The following ASB8 variants were observed in gnomAD, a reference collection of about 807,000 sequenced individuals.
The protein encoded by ASB8 is ankyrin repeat and SOCS box containing 8.
In ASB8, 15 loss-of-function variants were observed where a neutral mutation model predicts 22.9. The observed-to-expected ratio is 0.66, with a 90% CI of 0.44 to 1.01. ASB8 has a LOEUF of 1.01. Ranked by LOEUF, ASB8 falls within the 50% of genes least tolerant of loss-of-function variation. ASB8 has a pLI of 0.00. For synonymous variants in ASB8, 124 were observed against 140.8 expected (o/e 0.88, Z 0.84); for missense variants, 294 against 356.9 (o/e 0.82, Z 1.42).
intron 2 of ASB8, among the ~76,000 whole-genome samples, chr12:48,152,067 G>A (rs1038379519): frequency 2.6e-5 from 4 of 151,612 alleles, no homozygotes; most frequent in East Asian, 3.9e-4. Flanking sequence ...CAGGAGAATC[G>A]CTTGAACCTG....
At chr12:48,151,364 G>C in intron 2 of ASB8, 59 bp from the exon 3 acceptor site, 2 of 1,392,130 alleles carry the variant, frequency 1.4e-6, no homozygotes, top group Non-Finnish European at 2.0e-6. Context: ...CAGCAGGACA[G>C]AATTCAGAAC....
chr12:48,155,755 A>G (rs1478756607), intron 1 of ASB8, among the ~76,000 whole-genome samples: 3 of 139,080 alleles, frequency 2.2e-5, no homozygotes, highest in Admixed American at 1.4e-4. Context: ...ATATATATAT[A>G]TATGTATATA....
In ASB8 at chr12:48,148,658, G is replaced by GTTTTTTTTTTTTTTTTTTTTTTTT; in HGVS notation, c.*684_*707dup. The GTTTTTTTTTTTTTTTTTTTTTTTT allele has an allele frequency of 3.2e-5, 2 of 62,756 alleles. 1 individual carries two copies. Among genetic ancestry groups the GTTTTTTTTTTTTTTTTTTTTTTTT allele is most frequent in the Non-Finnish European group, 5.8e-5 (2 of 34,518 alleles). The allele number at this position is 62,756 out of a possible 1,614,324, so 3.9% of individuals were successfully genotyped here. On this transcript the variant is annotated 3_prime_UTR_variant, in exon 4 of 4. Transcript: ENST00000317697. The stretch of plus-strand genomic sequence containing the variant: ...GTTTTTTCACAGATCAATTAAAATG[G>GTTTTTTTTTTTTTTTTTTTTTTTT]TTTTTTTTTTTTTTTTTTTTTTTTG...
rs140767011 is a variant in ASB8, at chr12:48,149,506, G to C, written c.727C>G (p.Leu243Val). The C allele has an allele frequency of 3.1e-6, 5 of 1,614,098 alleles. No individual in the cohort carries two copies. The highest frequency in any genetic ancestry group is 1.6e-4 in the Middle Eastern group (1 of 6,084). Residue 243 changes from leucine (L) to valine (V), a missense_variant, in exon 4 of 4, where the codon CTG becomes GTG. Coordinates refer to ENST00000317697, the MANE Select transcript of ASB8 (RefSeq NM_024095.5). ...TTTAGAGTTCCTGGAGCTGAGCACA[G>C]AACAGTCAGTTTTTCACATAGCTGC... ...DPQLCEKLTV[L>V]CSAPGTLKTL... is the part of the protein sequence containing the mutation.
At chr12:48,154,480 C>CAAAAAAAAAAA (rs11384481) in intron 1 of ASB8, among the ~76,000 whole-genome samples, 1 of 73,812 alleles carries the variant, frequency 1.4e-5, no homozygotes, top group African/African-American at 5.4e-5. Flanking sequence ...GACTCTATCT[C>CAAAAAAAAAAA]AAAAAAAAAA....
intron 2 of ASB8, chr12:48,151,575 C>T: frequency 2.7e-6 from 4 of 1,477,162 alleles, no homozygotes; most frequent in South Asian, 2.4e-5. Context: ...CTGGACATCA[C>T]TGAAGACAAT....
chr12:48,151,790 C>T, intron 2 of ASB8: 1 of 449,918 alleles, frequency 2.2e-6, no homozygotes, highest in Non-Finnish European at 4.0e-6. Context: ...TTTTTATAAA[C>T]ATCTTCAAAG....
At chr12:48,151,445 C>A in intron 2 of ASB8, 140 bp from the exon 3 acceptor site, 1 of 967,678 alleles carries the variant, frequency 1.0e-6, no homozygotes, top group Admixed American at 2.8e-5. Flanking sequence ...GTTTCCTTTT[C>A]TATTAATATT....
chr12:48,153,720 A>G (rs975030517), intron 1 of ASB8, 191 bp from the exon 2 acceptor site: 13 of 391,282 alleles, frequency 3.3e-5, no homozygotes, highest in Admixed American at 2.3e-4. Context: ...CAAATGTTCT[A>G]CTCTAACCTA....
Position 48,149,794 on chromosome 12 carries a change from G to A in ASB8, c.439C>T (p.Leu147=). 1 of 1,613,936 alleles carries A rather than the reference G, an allele frequency of 6.2e-7. No homozygotes were observed. The highest frequency in any genetic ancestry group is 8.5e-7 in the Non-Finnish European group (1 of 1,179,804). Residue 147 remains leucine (L), a synonymous_variant, in exon 4 of 4, where the codon CTG becomes TTG. Coordinates refer to ENST00000317697, the MANE Select transcript of ASB8 (RefSeq NM_024095.5). The part of the protein sequence containing the change: ...LLESGASVNA[L]DYNNDTPLSW... The stretch of plus-strand genomic sequence containing the variant: ...AGCGGTGTATCATTGTTGTAATCCA[G>A]GGCATTGACAGAGGCCCCGCTCTCT...
chr12:48,150,337 C>T (rs1335478542), intron 3 of ASB8, among the ~76,000 whole-genome samples: 1 of 152,216 alleles, frequency 6.6e-6, no homozygotes, highest in African/African-American at 2.4e-5. Context: ...AAGTCTAAGT[C>T]CCCGTAACTG....
intron 1 of ASB8, among the ~76,000 whole-genome samples, chr12:48,156,913 A>G (rs927939197): frequency 1.3e-5 from 2 of 151,834 alleles, no homozygotes; most frequent in African/African-American, 4.8e-5. Flanking sequence ...GCTAGAGCTG[A>G]AAGCCCTGTC....
In ASB8 at chr12:48,153,458, C is replaced by G. The variant is rs368523694; in HGVS notation, c.39G>C (p.Gln13His). ...SSMWYIMQSI[Q>H]SKYSLSERLI... Reference sequence around the variant, plus strand: ...AGCGCTCGGAGAGAGAGTATTTGCTCTGAATGCTCTGCATAATATACCACA... The same window carrying G: ...AGCGCTCGGAGAGAGAGTATTTGCTGTGAATGCTCTGCATAATATACCACA... The change falls in exon 2 of 4, where the codon CAG (glutamine) becomes CAC (histidine). Residue 13 changes from glutamine to histidine, a missense_variant. Transcript: ENST00000317697. 4.3e-6 allele frequency: 7 copies of G among 1,613,352 alleles called. No homozygotes were observed. In the African/African-American group the frequency reaches 8.0e-5, roughly 18 times the overall value.
At chr12:48,154,840 C>G (rs1951273507) in intron 1 of ASB8, among the ~76,000 whole-genome samples, 1 of 152,004 alleles carries the variant, frequency 6.6e-6, no homozygotes, top group South Asian at 2.1e-4. Context: ...ACTCGGGAGG[C>G]TGAGGCAGGA....
intron 1 of ASB8, among the ~76,000 whole-genome samples, chr12:48,156,770 G>A (rs745798795): frequency 6.6e-6 from 1 of 152,134 alleles, no homozygotes; most frequent in Non-Finnish European, 1.5e-5. Flanking sequence ...CTGCTGCCTG[G>A]AAGCTCCCGG....
At chr12:48,157,333 G>A (rs909853643) in intron 1 of ASB8, 126 bp downstream of exon 1, 2 of 152,270 alleles carry the variant, frequency 1.3e-5, no homozygotes, top group South Asian at 2.1e-4. Context: ...GCCTTCTAAG[G>A]CCCGGAAATA....
In ASB8 at chr12:48,153,440, G is replaced by A. The variant is rs76905550; in HGVS notation, c.57C>T (p.Ser19=). 1.3e-3 allele frequency: 2,029 copies of A among 1,613,530 alleles called. 3 individuals are homozygous for A. The highest frequency in any genetic ancestry group is 1.6e-3 in the Non-Finnish European group (1,890 of 1,179,464). The change falls in exon 2 of 4, where the codon TCC becomes TCT. Residue 19 remains serine (S), a synonymous_variant. Coordinates refer to ENST00000317697, the MANE Select transcript of ASB8 (RefSeq NM_024095.5). ...MQSIQSKYSL[S]ERLIRTIAAI... ...CAGCAATTGTTCGGATTAAGCGCTC[G>A]GAGAGAGAGTATTTGCTCTGAATGC...
rs1951163022 is a variant in ASB8 at position 48,149,693 on chromosome 12, G to GA, written c.539dup (p.Asn181GlnfsTer29). 3.1e-6 allele frequency: 5 copies of GA among 1,614,086 alleles called. No homozygotes were observed. Among genetic ancestry groups the GA allele is most frequent in the Non-Finnish European group, 3.4e-6 (4 of 1,179,948 alleles). On this transcript the variant is annotated frameshift_variant, in exon 4 of 4. Transcript: ENST00000317697. LOFTEE classifies it high-confidence loss of function. ...AGATGGGTGTCTGGCCTATTAGGTT[G>GA]ATGACTCTGACCTCTGCGCCATAAT...
At position 48,148,352 on chromosome 12, in the gene ASB8, T is replaced by C. The variant is rs1327131619; in HGVS notation, c.*1014A>G. 1 of 152,244 alleles carries C rather than the reference T, an allele frequency of 6.6e-6. No individual in the cohort carries two copies. Among genetic ancestry groups the C allele is most frequent in the Non-Finnish European group, 1.5e-5 (1 of 68,040 alleles). The allele number at this position is 152,244 out of a possible 1,614,324, so 9.4% of individuals were successfully genotyped here. Reference sequence around the variant, plus strand: ...ATTACAAGAAAAGTTCTCAGGACTTTAGGAGTTCTTAGGACTGTTATTTCA... The same window carrying C: ...ATTACAAGAAAAGTTCTCAGGACTTCAGGAGTTCTTAGGACTGTTATTTCA... On this transcript the variant is annotated 3_prime_UTR_variant, in exon 4 of 4. Coordinates refer to ENST00000317697, the MANE Select transcript of ASB8 (RefSeq NM_024095.5).
Sources: gnomAD v4.1 joint callset for allele counts (sites outside exome capture counted in the v4.1 genomes callset) on GRCh38, gnomAD v4.1.1 for gene constraint, MANE v1.5 for transcripts, NCBI Gene and HGNC (gene_info 2026-07-23, HGNC 2026-07-21) for gene names.